Variants in PCGF5 observed in about 807,000 individuals in gnomAD.
PCGF5 encodes the protein polycomb group ring finger 5, also known as polycomb group RING finger protein 5.
Under a neutral mutation model 44.3 loss-of-function variants are expected in PCGF5, and 9 were observed. That is an observed-to-expected ratio of 0.20 (90% CI 0.12 to 0.35). The LOEUF is 0.35. Ranked by LOEUF, PCGF5 falls within the 10% of genes least tolerant of loss-of-function variation. The probability of loss-of-function intolerance (pLI) is 1.00; values close to 1 mark genes in which losing one functional copy is unlikely to be tolerated. For missense variants in PCGF5, 146 were observed against 305.3 expected (o/e 0.48, Z 3.89); for synonymous variants, 95 against 102.5 (o/e 0.93, Z 0.44).
upstream of PCGF5, among the ~76,000 whole-genome samples, chr10:91,162,490 T>TG (rs532521928): frequency 1.5e-3 from 234 of 152,092 alleles, no homozygotes; most frequent in African/African-American, 5.5e-3. Context: ...CCTCCGTCTG[T>TG]GGGGGGAGAA....
rs1846410554 is a variant in PCGF5 at position 91,279,901 on chromosome 10, C to T, written c.*1585C>T. 6.6e-6 allele frequency: 1 copy of T among 152,034 alleles called. No individual in the cohort carries two copies. The highest frequency in any genetic ancestry group is 6.5e-5 in the Admixed American group (1 of 15,268). 9.4% of individuals were successfully genotyped at this position (152,034 alleles called of 1,614,324 possible). ...ACAACTCTAGCAAACATACAAAGTA[C>T]AGCTAAATCTTAATATATTTCACTA... On this transcript the variant is annotated 3_prime_UTR_variant, in exon 10 of 10. Transcript: ENST00000336126.
At chr10:91,227,810 C>T (rs1176377862) in intron 2 of PCGF5, 1 of 988,920 alleles carries the variant, frequency 1.0e-6, no homozygotes, top group Non-Finnish European at 1.2e-6. Context: ...CAACTGTTTG[C>T]TCTCCTTGAA....
chr10:91,238,622 T>TC (rs1845241272), intron 2 of PCGF5, among the ~76,000 whole-genome samples: 14 of 137,730 alleles, frequency 1.0e-4, no homozygotes, highest in African/African-American at 3.3e-4. Context: ...TTTTTTTTTT[T>TC]TTTTTTTTTG....
At chr10:91,250,086 TGTTTCTCCCATTTTAAA>T in intron 5 of PCGF5, among the ~76,000 whole-genome samples, 1 of 152,062 alleles carries the variant, frequency 6.6e-6, no homozygotes, top group African/African-American at 2.4e-5. Flanking sequence ...CTTTTCCTAT[TGTTTCTCCCATTTTAAA>T]GTATTTCTGG....
intron 1 of PCGF5, among the ~76,000 whole-genome samples, chr10:91,194,064 G>A (rs1195374559): frequency 6.6e-6 from 1 of 152,166 alleles, no homozygotes; most frequent in African/African-American, 2.4e-5. Context: ...TGTGGTGGAG[G>A]GAGAATTGGA....
At chr10:91,273,317 C>T (rs1230913187) in intron 9 of PCGF5, among the ~76,000 whole-genome samples, 1 of 152,190 alleles carries the variant, frequency 6.6e-6, no homozygotes. Flanking sequence ...AACGATAACA[C>T]TGCCTGTAGC....
chr10:91,186,689 G>C (rs12244087), intron 1 of PCGF5, among the ~76,000 whole-genome samples: 31,292 of 151,604 alleles, frequency 0.21, 3,567 homozygotes, highest in East Asian at 0.49. Context: ...GTTCCATCCC[G>C]GGCCTCCCTA....
At chr10:91,244,784 T>G (rs1002490421) in intron 3 of PCGF5, among the ~76,000 whole-genome samples, 1 of 152,114 alleles carries the variant, frequency 6.6e-6, no homozygotes, top group Non-Finnish European at 1.5e-5. Flanking sequence ...GAGTTGAACA[T>G]GACTTTAAGA....
At chr10:91,240,890 T>C (rs1351657569) in intron 3 of PCGF5, among the ~76,000 whole-genome samples, 1 of 151,662 alleles carries the variant, frequency 6.6e-6, no homozygotes, top group East Asian at 1.9e-4. Context: ...TACATGGTAG[T>C]AGAAAGAGGG....
At chr10:91,199,210 A>C (rs997933953) in intron 1 of PCGF5, among the ~76,000 whole-genome samples, 24 of 152,246 alleles carry the variant, frequency 1.6e-4, no homozygotes, top group African/African-American at 5.5e-4. Context: ...AAACAAGTAG[A>C]AAATGTACTT....
chr10:91,235,645 G>A (rs1193985927), intron 2 of PCGF5, among the ~76,000 whole-genome samples: 2 of 152,166 alleles, frequency 1.3e-5, no homozygotes, highest in African/African-American at 4.8e-5. Context: ...ATGTGTTGTG[G>A]GAGGAACCCA....
chr10:91,268,040 A>G (rs1846087202), intron 8 of PCGF5, among the ~76,000 whole-genome samples: 1 of 152,176 alleles, frequency 6.6e-6, no homozygotes, highest in Non-Finnish European at 1.5e-5. Context: ...TGAATATTGA[A>G]TAATCCATAT....
chr10:91,238,828 G>A (rs781681103), intron 2 of PCGF5, among the ~76,000 whole-genome samples: 27 of 151,738 alleles, frequency 1.8e-4, no homozygotes, highest in Non-Finnish European at 3.2e-4. Context: ...TGGGAAGAAG[G>A]CAAAGTATTC....
intron 1 of PCGF5, among the ~76,000 whole-genome samples, chr10:91,178,731 A>C (rs1170618068): frequency 6.6e-6 from 1 of 151,176 alleles, no homozygotes; most frequent in African/African-American, 2.4e-5. Context: ...TTTGAGTTTA[A>C]ACATAATTTT....
At chr10:91,215,300 A>G (rs999514297), upstream of PCGF5, among the ~76,000 whole-genome samples, 1 of 152,222 alleles carries the variant, frequency 6.6e-6, no homozygotes, top group Non-Finnish European at 1.5e-5. Flanking sequence ...CTCGTCTTTT[A>G]TAATTCAGTA....
At chr10:91,227,625 G>A in intron 2 of PCGF5, 1 of 1,121,284 alleles carries the variant, frequency 8.9e-7, no homozygotes, top group East Asian at 6.9e-5. Context: ...GTGTCCAAGT[G>A]GTAATAATTA....
chr10:91,172,466 C>T (rs1233809042), intron 1 of PCGF5, among the ~76,000 whole-genome samples: 2 of 152,090 alleles, frequency 1.3e-5, no homozygotes, highest in African/African-American at 2.4e-5. Flanking sequence ...ATTAAAGTAT[C>T]CACTCAAAAA....
chr10:91,238,833 G>T (rs546509971), intron 2 of PCGF5, among the ~76,000 whole-genome samples: 2 of 151,796 alleles, frequency 1.3e-5, no homozygotes, highest in Non-Finnish European at 2.9e-5. Context: ...AGAAGGCAAA[G>T]TATTCAATTG....
chr10:91,178,222 C>T (rs968781218), intron 1 of PCGF5, among the ~76,000 whole-genome samples: 14 of 152,086 alleles, frequency 9.2e-5, no homozygotes, highest in African/African-American at 3.4e-4. Flanking sequence ...ATAGGACAGC[C>T]ATAATTATAT....
Sources: gnomAD v4.1 joint callset for allele counts (sites outside exome capture counted in the v4.1 genomes callset) on GRCh38, gnomAD v4.1.1 for gene constraint, MANE v1.5 for transcripts, NCBI Gene and HGNC (gene_info 2026-07-23, HGNC 2026-07-21) for gene names.